LRRIQ3: variants seen among roughly 807,000 people sequenced by gnomAD.
The protein encoded by LRRIQ3 is leucine rich repeats and IQ motif containing 3.
LRRIQ3 carries 75 observed loss-of-function variants against 59.3 expected under a neutral mutation model. The observed-to-expected ratio is 1.26, with a 90% confidence interval of 1.05 to 1.53. The LOEUF (loss-of-function observed/expected upper bound fraction) is 1.53. LRRIQ3 is among the 40% of genes most tolerant of loss of function. The pLI is 0.00. For synonymous variants in LRRIQ3, 250 were observed against 231.3 expected, an observed-to-expected ratio of 1.08 and a Z score of -0.73; for missense variants, 831 against 710.0, an observed-to-expected ratio of 1.17 and a Z score of -1.94.
At chr1:74,166,503 T>A (rs1248580913) in intron 3 of LRRIQ3, among the ~76,000 whole-genome samples, 1 of 150,966 alleles carries the variant, frequency 6.6e-6, no homozygotes, top group Non-Finnish European at 1.5e-5. Flanking sequence ...ATGCTTGTTT[T>A]CCTAATTTTC....
At chr1:74,144,450 T>C (rs1270338163) in intron 4 of LRRIQ3, 2 of 341,782 alleles carry the variant, frequency 5.9e-6, no homozygotes, top group East Asian at 2.0e-4. Context: ...TTAATATTTT[T>C]CTATCAACTT....
At chr1:74,168,507 T>C (rs1264728048) in intron 3 of LRRIQ3, among the ~76,000 whole-genome samples, 1 of 152,114 alleles carries the variant, frequency 6.6e-6, no homozygotes, top group Admixed American at 6.6e-5. Flanking sequence ...TAACAACGCA[T>C]AGCTGAATAA....
rs774834993 is a variant in LRRIQ3, at chr1:74,038,473, G to T, written c.1718+2740C>A. ...CACCAAGGGATGGTCAAAGTGCTTC[G>T]CTAAACAGGTCCTGCTCCCTGTGCC... On this transcript the variant is annotated intron_variant, in intron 7 of 7. Coordinates refer to ENST00000354431, the MANE Select transcript of LRRIQ3 (RefSeq NM_001105659.2). Among the ~76,000 whole-genome samples the T allele has an allele frequency of 3.3e-5, 5 of 152,274 alleles. No homozygotes were observed. In the East Asian group the frequency reaches 9.7e-4, roughly 29 times the overall value.
intron 5 of LRRIQ3, among the ~76,000 whole-genome samples, chr1:74,089,334 T>C (rs1646369030): frequency 6.6e-6 from 1 of 152,072 alleles, no homozygotes; most frequent in Non-Finnish European, 1.5e-5. Flanking sequence ...TAAAAACATA[T>C]ATTCATTCAG....
At chr1:74,130,255 T>C (rs1031743363) in intron 4 of LRRIQ3, among the ~76,000 whole-genome samples, 5 of 152,064 alleles carry the variant, frequency 3.3e-5, no homozygotes, top group Admixed American at 6.6e-5. Context: ...GGTAAGGTGG[T>C]GAGGCTTGTT....
intron 4 of LRRIQ3, among the ~76,000 whole-genome samples, chr1:74,131,699 T>A (rs1647022654): frequency 6.6e-6 from 1 of 152,104 alleles, no homozygotes; most frequent in Admixed American, 6.5e-5. Flanking sequence ...GAACTCTCAA[T>A]AAATTAGGTA....
chr1:74,168,387 T>C (rs1271594585), intron 3 of LRRIQ3, among the ~76,000 whole-genome samples: 1 of 152,124 alleles, frequency 6.6e-6, no homozygotes, highest in South Asian at 2.1e-4. Flanking sequence ...TTATCAGATA[T>C]TCATACAGCT....
chr1:74,053,177 CAAAAAA>C (rs11403724), intron 6 of LRRIQ3, among the ~76,000 whole-genome samples: 1 of 100,958 alleles, frequency 9.9e-6, no homozygotes, highest in East Asian at 2.8e-4. Flanking sequence ...CTCCACATGC[CAAAAAA>C]AAAAAAAAAA....
At chr1:74,123,847 T>C (rs142067996) in intron 4 of LRRIQ3, among the ~76,000 whole-genome samples, 1 of 152,144 alleles carries the variant, frequency 6.6e-6, no homozygotes, top group African/African-American at 2.4e-5. Context: ...CTGGATCATA[T>C]GGTAGTTTTT....
chr1:74,027,647 G>T (rs1653559799), intron 7 of LRRIQ3, among the ~76,000 whole-genome samples: 1 of 152,042 alleles, frequency 6.6e-6, no homozygotes, highest in African/African-American at 2.4e-5. Flanking sequence ...GTGATATTTT[G>T]TTATGGCAGT....
chr1:74,058,242 A>G (rs1160603763), intron 6 of LRRIQ3, among the ~76,000 whole-genome samples: 1 of 152,090 alleles, frequency 6.6e-6, no homozygotes, highest in Admixed American at 6.6e-5. Context: ...AAAGGAAATG[A>G]AATTAGTATT....
At chr1:74,061,369 G>A (rs975321956) in intron 6 of LRRIQ3, among the ~76,000 whole-genome samples, 7 of 152,018 alleles carry the variant, frequency 4.6e-5, no homozygotes, top group Admixed American at 3.9e-4. Flanking sequence ...GGTCATATTG[G>A]CCAAAGTACT....
At position 74,026,395 on chromosome 1, in the gene LRRIQ3, T is replaced by C. The variant is rs1653516126; in HGVS notation, c.*418A>G. On this transcript the variant is annotated 3_prime_UTR_variant, in exon 8 of 8. Transcript: ENST00000354431. The stretch of plus-strand genomic sequence containing the variant: ...TAAGCAGGAAATATATAAAAGCAGG[T>C]AATAAAAGTCATCAACGTACACAGT... 1 of 152,382 alleles carries C rather than the reference T, an allele frequency of 6.6e-6. No homozygotes were observed. The highest frequency in any genetic ancestry group is 2.1e-4 in the South Asian group (1 of 4,840). The allele number at this position is 152,382 out of a possible 1,614,324, so 9.4% of individuals were successfully genotyped here. A position where few individuals can be genotyped will look rare whatever the true frequency, so the allele number is the denominator to read the frequency against.
chr1:74,181,675 T>C (rs886699571), intron 3 of LRRIQ3: 4 of 151,852 alleles, frequency 2.6e-5, no homozygotes, highest in African/African-American at 7.2e-5. Flanking sequence ...TACAAAATTA[T>C]TACCAAAATC....
chr1:74,175,064 T>C (rs2100708142), intron 3 of LRRIQ3, among the ~76,000 whole-genome samples: 1 of 152,254 alleles, frequency 6.6e-6, no homozygotes, highest in South Asian at 2.1e-4. Flanking sequence ...GAATTAAAGG[T>C]CTTCACCAGT....
chr1:74,108,463 A>G (rs1201032603), intron 5 of LRRIQ3, among the ~76,000 whole-genome samples: 2 of 151,742 alleles, frequency 1.3e-5, no homozygotes, highest in African/African-American at 2.4e-5. Context: ...CTTTCACACG[A>G]TTTAAGGAGT....
intron 4 of LRRIQ3, among the ~76,000 whole-genome samples, chr1:74,135,158 C>A (rs1302287700): frequency 6.6e-6 from 1 of 151,672 alleles, no homozygotes; most frequent in Non-Finnish European, 1.5e-5. Flanking sequence ...GAAACAAAGA[C>A]AAAAATTTTA....
chr1:74,151,809 A>C (rs1363084063), intron 4 of LRRIQ3, among the ~76,000 whole-genome samples: 1 of 152,176 alleles, frequency 6.6e-6, no homozygotes, highest in Non-Finnish European at 1.5e-5. Context: ...AAATATCCAC[A>C]TTAACAGGGA....
rs531303211 is a variant in LRRIQ3, at chr1:74,182,667, T to C, written c.444A>G (p.Ile148Met). The C allele has an allele frequency of 1.2e-5, 19 of 1,612,374 alleles. No homozygotes were observed. In the South Asian group the frequency reaches 1.6e-4, roughly 14 times the overall value. Reference sequence around the variant, plus strand: ...GATGATCCAGCGCTTTGAGAGGCCATATACTGTTAACAAGAACATGTCTAT... The same window carrying C: ...GATGATCCAGCGCTTTGAGAGGCCACATACTGTTAACAAGAACATGTCTAT... The part of the protein sequence containing the change: ...KGYRHVLVNS[I>M]WPLKALDHHV... The change falls in exon 3 of 8, where the codon ATA becomes ATG. Residue 148 changes from isoleucine to methionine, a missense_variant. By Grantham distance (10) the Ile-to-Met change is conservative. Coordinates refer to ENST00000354431, the MANE Select transcript of LRRIQ3 (RefSeq NM_001105659.2).
Sources: allele counts gnomAD v4.1 joint callset (sites outside exome capture counted in the v4.1 genomes callset), GRCh38; gene constraint gnomAD v4.1.1; transcripts MANE v1.5; gene names NCBI Gene and HGNC (gene_info 2026-07-23, HGNC 2026-07-21).